PLCB1: variants seen among roughly 807,000 people sequenced by gnomAD.
The protein encoded by PLCB1 is phospholipase C beta 1.
Under a neutral mutation model 161.8 loss-of-function variants are expected in PLCB1, and 46 were observed. The observed-to-expected ratio is 0.28, with a 90% CI of 0.22 to 0.36. The LOEUF (loss-of-function observed/expected upper bound fraction) is 0.36, where lower values mean the gene tolerates loss of function less well. Ranked by LOEUF, PLCB1 falls within the 10% of genes least tolerant of loss-of-function variation. PLCB1 has a pLI of 1.00. For synonymous variants in PLCB1, 517 were observed against 503.7 expected (o/e 1.03, Z -0.35); for missense variants, 1,016 against 1,472.5 (o/e 0.69, Z 5.07).
chr20:8,253,734 G>C (rs1392791746), intron 2 of PLCB1, among the ~76,000 whole-genome samples: 1 of 151,914 alleles, frequency 6.6e-6, no homozygotes, highest in East Asian at 1.9e-4. Context: ...CAAGAACTAA[G>C]CATGGTACCT....
chr20:8,521,301 A>G (rs1444430901), intron 3 of PLCB1, among the ~76,000 whole-genome samples: 1 of 148,380 alleles, frequency 6.7e-6, no homozygotes, highest in Non-Finnish European at 1.5e-5. Flanking sequence ...AGTTCTGGAG[A>G]TTCATCTTAA....
chr20:8,414,166 G>A (rs1236404547), intron 3 of PLCB1, among the ~76,000 whole-genome samples: 1 of 151,974 alleles, frequency 6.6e-6, no homozygotes, highest in Non-Finnish European at 1.5e-5. Flanking sequence ...TGTTTTTAAT[G>A]AAAATGAAGA....
Position 8,649,456 on chromosome 20 carries a change from A to T in PLCB1, c.594+7A>T. ...TAGTCTTCCATCTTCAAGGGTGAGC[A>T]TGTGTGTTATGCTATAGTTTGAATG... On this transcript the variant is annotated splice_region_variant and intron_variant, in intron 7 of 31. Transcript: ENST00000338037. 1 of 1,593,228 alleles carries T rather than the reference A, an allele frequency of 6.3e-7. No homozygotes were observed. The highest frequency in any genetic ancestry group is 8.6e-7 in the Non-Finnish European group (1 of 1,161,064).
At chr20:8,816,328 C>T (rs1985084474) in intron 31 of PLCB1, among the ~76,000 whole-genome samples, 1 of 152,184 alleles carries the variant, frequency 6.6e-6, no homozygotes, top group Non-Finnish European at 1.5e-5. Context: ...CACACTTAGG[C>T]TCCAAACTGG....
At chr20:8,557,332 TG>T (rs1478605983) in intron 3 of PLCB1, among the ~76,000 whole-genome samples, 1 of 151,990 alleles carries the variant, frequency 6.6e-6, no homozygotes, top group Non-Finnish European at 1.5e-5. Flanking sequence ...AAACAAAATG[TG>T]GTATATACTT....
At position 8,804,572 on chromosome 20, in the gene PLCB1, T is replaced by C. The variant is rs1984435294; in HGVS notation, c.3423+14311T>C. Among the ~76,000 whole-genome samples, 4 of 152,194 alleles carry C rather than the reference T, an allele frequency of 2.6e-5. No individual in the cohort carries two copies. In the South Asian group the frequency reaches 8.3e-4, roughly 31 times the overall value. On this transcript the variant is annotated intron_variant, in intron 31 of 31. Transcript: ENST00000338037. ...AGAACAAAACGTTCTTTTATAATAG[T>C]GTATGGAAAAAAGATTTTTGTACTA...
At chr20:8,142,542 A>C (rs2051414972) in intron 1 of PLCB1, among the ~76,000 whole-genome samples, 1 of 152,214 alleles carries the variant, frequency 6.6e-6, no homozygotes, top group East Asian at 1.9e-4. Context: ...GATGATGCTT[A>C]ATGTATTTAT....
intron 11 of PLCB1, among the ~76,000 whole-genome samples, chr20:8,707,004 C>T (rs1234690818): frequency 6.6e-6 from 1 of 152,126 alleles, no homozygotes; most frequent in Non-Finnish European, 1.5e-5. Flanking sequence ...AATCCAAAGC[C>T]TATACTCAAA....
chr20:8,539,063 A>G (rs1985169613), intron 3 of PLCB1, among the ~76,000 whole-genome samples: 1 of 152,134 alleles, frequency 6.6e-6, no homozygotes, highest in Non-Finnish European at 1.5e-5. Context: ...CTGGGGTTAC[A>G]GGCATGAGCC....
Position 8,597,035 on chromosome 20 carries a change from A to G in PLCB1, c.247-31259A>G, listed in dbSNP as rs1987380385. ...AATGGGGTTTTCTAGATATACAGTC[A>G]TGTCGTCTGCGAACAGGGACAATTT... On this transcript the variant is annotated intron_variant, in intron 3 of 31. Coordinates refer to ENST00000338037, the MANE Select transcript of PLCB1 (RefSeq NM_015192.4). Among the ~76,000 whole-genome samples, 9 of 137,246 alleles carry G rather than the reference A, an allele frequency of 6.6e-5. No homozygotes were observed. In the South Asian group the frequency reaches 2.3e-3, roughly 35 times the overall value. The allele number at this position is 137,246 out of a possible 152,430, so 90.0% of individuals were successfully genotyped here. A position where few individuals can be genotyped will look rare whatever the true frequency, so the allele number is the denominator to read the frequency against.
intron 2 of PLCB1, among the ~76,000 whole-genome samples, chr20:8,313,646 A>G (rs1194821994): frequency 6.6e-6 from 1 of 152,224 alleles, no homozygotes; most frequent in African/African-American, 2.4e-5. Context: ...TAAGTGAAAC[A>G]TGAAACTCAC....
At chr20:8,798,113 C>G (rs1984115100) in intron 31 of PLCB1, among the ~76,000 whole-genome samples, 1 of 151,852 alleles carries the variant, frequency 6.6e-6, no homozygotes, top group Non-Finnish European at 1.5e-5. Context: ...GGGAGAATTG[C>G]TTGGACCTGG....
intron 9 of PLCB1, among the ~76,000 whole-genome samples, chr20:8,680,045 G>A (rs896227718): frequency 7.9e-5 from 12 of 152,152 alleles, no homozygotes; most frequent in Admixed American, 6.5e-5. Context: ...CCTGACCAGT[G>A]ACCACTGGCA....
At chr20:8,273,567 G>A (rs536313061) in intron 2 of PLCB1, among the ~76,000 whole-genome samples, 3 of 152,212 alleles carry the variant, frequency 2.0e-5, no homozygotes, top group South Asian at 2.1e-4. Flanking sequence ...CATCCAGCCC[G>A]AGAAATTTCA....
chr20:8,778,292 T>A (rs1983043443), intron 27 of PLCB1, among the ~76,000 whole-genome samples: 1 of 152,114 alleles, frequency 6.6e-6, no homozygotes, highest in African/African-American at 2.4e-5. Context: ...AGATTTGAGC[T>A]GCAGGAATAG....
At chr20:8,725,076 A>G (rs1979861337) in intron 16 of PLCB1, among the ~76,000 whole-genome samples, 1 of 152,144 alleles carries the variant, frequency 6.6e-6, no homozygotes, top group East Asian at 1.9e-4. Flanking sequence ...TTTTGTTCGC[A>G]ACACACAGTG....
chr20:8,324,639 G>A (rs1985071656), intron 2 of PLCB1, among the ~76,000 whole-genome samples: 1 of 152,156 alleles, frequency 6.6e-6, no homozygotes, highest in Admixed American at 6.5e-5. Context: ...AAGTAGAAGT[G>A]TTTGATTTAT....
intron 2 of PLCB1, among the ~76,000 whole-genome samples, chr20:8,255,100 C>T (rs1179815752): frequency 3.9e-5 from 6 of 152,010 alleles, no homozygotes; most frequent in Non-Finnish European, 5.9e-5. Context: ...AAACATTTTC[C>T]GATGACCATG....
At chr20:8,254,068 A>G (rs1981288264) in intron 2 of PLCB1, among the ~76,000 whole-genome samples, 1 of 151,960 alleles carries the variant, frequency 6.6e-6, no homozygotes, top group Non-Finnish European at 1.5e-5. Flanking sequence ...TCACACATAT[A>G]TTGAAAGCAT....
Sources: gnomAD v4.1 joint callset for allele counts (sites outside exome capture counted in the v4.1 genomes callset) on GRCh38, gnomAD v4.1.1 for gene constraint, MANE v1.5 for transcripts, NCBI Gene and HGNC (gene_info 2026-07-23, HGNC 2026-07-21) for gene names.